The following RBFOX1 variants were observed in gnomAD, a reference collection of about 807,000 sequenced individuals.
RBFOX1 encodes RNA binding protein fox-1 homolog 1.
In RBFOX1, 8 loss-of-function variants were observed where a neutral mutation model predicts 57.7. That is an observed-to-expected ratio of 0.14 (90% CI 0.08 to 0.25). RBFOX1 has a LOEUF of 0.25. Among genes scored for constraint, RBFOX1 ranks in the 10% least tolerant of loss-of-function variants. The pLI is 1.00. For synonymous variants in RBFOX1, 326 were observed against 222.4 expected (o/e 1.47, Z -4.15); for missense variants, 611 against 548.5 (o/e 1.11, Z -1.14).
chr16:7,056,903 A>G (rs2052487164), intron 4 of RBFOX1, among the ~76,000 whole-genome samples: 1 of 152,094 alleles, frequency 6.6e-6, no homozygotes, highest in Non-Finnish European at 1.5e-5. Flanking sequence ...ACTGGTATGG[A>G]CTTAGGTTCA....
At chr16:5,659,673 C>G (rs891524597) in intron 3 of RBFOX1, among the ~76,000 whole-genome samples, 1 of 152,110 alleles carries the variant, frequency 6.6e-6, no homozygotes, top group Middle Eastern at 3.2e-3. Flanking sequence ...TTCAGGGAGT[C>G]TGAAAATGTG....
chr16:6,332,411 C>A (rs1478761805), intron 2 of RBFOX1, among the ~76,000 whole-genome samples: 2 of 152,054 alleles, frequency 1.3e-5, no homozygotes, highest in Non-Finnish European at 2.9e-5. Flanking sequence ...TATGAATGCA[C>A]AAACAGATAT....
chr16:7,353,113 T>C (rs981322938), intron 4 of RBFOX1, among the ~76,000 whole-genome samples: 17 of 152,294 alleles, frequency 1.1e-4, no homozygotes, highest in Admixed American at 9.2e-4. Context: ...CTAAAGTTTT[T>C]AGCACCACTA....
intron 4 of RBFOX1, among the ~76,000 whole-genome samples, chr16:5,907,820 A>G (rs142094655): frequency 8.5e-4 from 129 of 151,566 alleles, no homozygotes; most frequent in African/African-American, 3.1e-3. Context: ...GTATGATCTC[A>G]GCTCACTATA....
At chr16:6,197,958 G>A (rs1310642341) in intron 1 of RBFOX1, among the ~76,000 whole-genome samples, 1 of 152,170 alleles carries the variant, frequency 6.6e-6, no homozygotes, top group Admixed American at 6.5e-5. Context: ...CTACATCCAT[G>A]TTGCTGCAAA....
chr16:6,670,763 C>G (rs1042854753), intron 3 of RBFOX1, among the ~76,000 whole-genome samples: 7 of 152,008 alleles, frequency 4.6e-5, no homozygotes, highest in Non-Finnish European at 1.0e-4. Flanking sequence ...TCTGGGAGGC[C>G]GAGCTGGGTG....
chr16:6,990,879 A>T (rs538754412), intron 3 of RBFOX1, among the ~76,000 whole-genome samples: 1 of 152,112 alleles, frequency 6.6e-6, no homozygotes, highest in Non-Finnish European at 1.5e-5. Context: ...TTAAGATAAG[A>T]TAAGGCTGTC....
chr16:7,103,363 C>T (rs558123389), intron 4 of RBFOX1, among the ~76,000 whole-genome samples: 12 of 152,212 alleles, frequency 7.9e-5, no homozygotes, highest in Admixed American at 6.5e-4. Context: ...GTTCCTGATG[C>T]TGGAATAAAA....
intron 14 of RBFOX1, among the ~76,000 whole-genome samples, chr16:7,698,646 T>TA (rs1568533252): frequency 6.6e-6 from 1 of 152,236 alleles, no homozygotes; most frequent in Non-Finnish European, 1.5e-5. Context: ...AATTGTCTTT[T>TA]CTGCATTTTA....
chr16:7,006,736 C>A (rs978140872), intron 3 of RBFOX1, among the ~76,000 whole-genome samples: 21 of 152,152 alleles, frequency 1.4e-4, no homozygotes, highest in African/African-American at 5.1e-4. Flanking sequence ...ACATGAGCCA[C>A]CATGCCTGGC....
At chr16:7,665,104 C>A in intron 13 of RBFOX1, 136 bp downstream of exon 13, 2 of 1,559,014 alleles carry the variant, frequency 1.3e-6, no homozygotes, top group South Asian at 1.2e-5. Flanking sequence ...CGTGGTTTGT[C>A]TTGCAGGACA....
Position 5,265,584 on chromosome 16 carries a change from A to G in RBFOX1, c.219+25479A>G, listed in dbSNP as rs184261045. On this transcript the variant is annotated intron_variant, in intron 1 of 2. Coordinates refer to the RBFOX1 transcript ENST00000585867. The stretch of plus-strand genomic sequence containing the variant: ...AAAGAAAATTGACAATAAAATGCTG[A>G]TCAATATGTGTAGCTCAGGAGGTAG... Among the ~76,000 whole-genome samples, 12 of 152,332 alleles carry G rather than the reference A, an allele frequency of 7.9e-5. No individual in the cohort carries two copies. In the East Asian group the frequency reaches 1.7e-3, roughly 22 times the overall value.
At chr16:6,526,923 G>A (rs1279392323) in intron 2 of RBFOX1, among the ~76,000 whole-genome samples, 1 of 128,806 alleles carries the variant, frequency 7.8e-6, no homozygotes, top group East Asian at 2.4e-4. Context: ...GTACATAAAA[G>A]ATATAATCAC....
intron 2 of RBFOX1, among the ~76,000 whole-genome samples, chr16:6,447,149 T>C (rs1384671282): frequency 6.6e-6 from 1 of 152,198 alleles, no homozygotes; most frequent in Non-Finnish European, 1.5e-5. Context: ...TCTATTGGAC[T>C]TTTTTTCCTT....
intron 3 of RBFOX1, among the ~76,000 whole-genome samples, chr16:5,850,485 AG>A (rs2056868321): frequency 1.3e-5 from 2 of 152,254 alleles, no homozygotes; most frequent in Admixed American, 1.3e-4. Flanking sequence ...TCTCTAACAA[AG>A]TAGCACTAGT....
At chr16:6,728,620 G>C (rs139510933) in intron 3 of RBFOX1, among the ~76,000 whole-genome samples, 66 of 152,244 alleles carry the variant, frequency 4.3e-4, no homozygotes, top group African/African-American at 1.5e-3. Context: ...CCTCATATTG[G>C]AGCTGCCCCA....
intron 3 of RBFOX1, among the ~76,000 whole-genome samples, chr16:6,664,195 A>T (rs2098718333): frequency 6.6e-6 from 1 of 151,902 alleles, no homozygotes. Context: ...AAGAGATCTA[A>T]CACCAGCAAA....
intron 3 of RBFOX1, among the ~76,000 whole-genome samples, chr16:5,686,846 C>T (rs1312916669): frequency 6.6e-6 from 1 of 152,150 alleles, no homozygotes; most frequent in Non-Finnish European, 1.5e-5. Context: ...AAATTGTTGA[C>T]TTTCATCTGG....
intron 2 of RBFOX1, among the ~76,000 whole-genome samples, chr16:6,329,708 G>T (rs546972870): frequency 3.9e-5 from 6 of 152,302 alleles, no homozygotes; most frequent in South Asian, 2.1e-4. Flanking sequence ...AAAACGGGTG[G>T]ATCATTTGAG....
Sources: gnomAD v4.1 joint callset for allele counts (sites outside exome capture counted in the v4.1 genomes callset) on GRCh38, gnomAD v4.1.1 for gene constraint, MANE v1.5 for transcripts, NCBI Gene and HGNC (gene_info 2026-07-23, HGNC 2026-07-21) for gene names.